Variants in NDUFA10 observed in about 807,000 individuals in gnomAD.
The protein encoded by NDUFA10 is NADH dehydrogenase [ubiquinone] 1 alpha subcomplex subunit 10, mitochondrial.
NDUFA10 carries 40 observed loss-of-function variants against 47.8 expected under a neutral mutation model. The observed-to-expected ratio is 0.84, with a 90% CI of 0.65 to 1.09. The LOEUF (loss-of-function observed/expected upper bound fraction) is 1.09. Among genes scored for constraint, NDUFA10 ranks in the 50% least tolerant of loss-of-function variants. NDUFA10 has a pLI of 0.00. For missense variants in NDUFA10, 413 were observed against 451.1 expected (o/e 0.92, Z 0.76); for synonymous variants, 183 against 172.2 (o/e 1.06, Z -0.49).
chr2:239,953,413 C>T (rs952031204), downstream of NDUFA10, among the ~76,000 whole-genome samples: 3 of 152,200 alleles, frequency 2.0e-5, no homozygotes, highest in Non-Finnish European at 2.9e-5. Flanking sequence ...CTGCTTTAGC[C>T]GCAAAGTGCA....
intron 4 of NDUFA10, among the ~76,000 whole-genome samples, chr2:239,924,678 T>A (rs927822106): frequency 7.9e-5 from 12 of 152,090 alleles, no homozygotes; most frequent in African/African-American, 2.9e-4. Context: ...ACCACTCCTA[T>A]TCAATGTAGG....
intron 9 of NDUFA10, chr2:239,983,456 T>C (rs184795243): frequency 6.6e-7 from 1 of 1,521,382 alleles, no homozygotes; most frequent in African/African-American, 1.4e-5. Context: ...TGATCATTTT[T>C]TAATATCAAG....
intron 8 of NDUFA10, among the ~76,000 whole-genome samples, chr2:239,997,921 A>C (rs996944742): frequency 5.9e-5 from 9 of 152,238 alleles, no homozygotes; most frequent in Non-Finnish European, 1.0e-4. Context: ...TTTGCATCTC[A>C]ATCAATGGTA....
intron 8 of NDUFA10, among the ~76,000 whole-genome samples, chr2:240,002,550 T>C (rs1696769581): frequency 6.6e-6 from 1 of 152,038 alleles, no homozygotes; most frequent in Non-Finnish European, 1.5e-5. Flanking sequence ...ACACATGGCC[T>C]AGCACTCTAC....
intron 8 of NDUFA10, among the ~76,000 whole-genome samples, chr2:239,999,642 G>A (rs1696624984): frequency 6.6e-6 from 1 of 152,170 alleles, no homozygotes; most frequent in African/African-American, 2.4e-5. Context: ...ACCCTGCCCT[G>A]CTCTTTATCA....
chr2:239,895,070 G>A (rs1487336183), intron 5 of NDUFA10: 2 of 231,572 alleles, frequency 8.6e-6, no homozygotes, highest in Non-Finnish European at 1.9e-5. Context: ...GCCGGGCACT[G>A]GCTTTCAGTG....
intron 9 of NDUFA10, among the ~76,000 whole-genome samples, chr2:239,977,861 C>T (rs1432733068): frequency 6.6e-6 from 1 of 152,204 alleles, no homozygotes; most frequent in Non-Finnish European, 1.5e-5. Context: ...CTCAGCTACG[C>T]TCGCAGCACC....
intron 4 of NDUFA10, among the ~76,000 whole-genome samples, chr2:239,923,391 G>T (rs77454108): frequency 6.2e-4 from 94 of 151,916 alleles, no homozygotes; most frequent in Middle Eastern, 3.4e-3. Flanking sequence ...ACCATATCCT[G>T]GTTCATAAAA....
At chr2:240,023,863 C>T (rs949856356) in intron 1 of NDUFA10, among the ~76,000 whole-genome samples, 4 of 152,168 alleles carry the variant, frequency 2.6e-5, no homozygotes, top group African/African-American at 9.7e-5. Context: ...ATGAAATTAA[C>T]GCAGATAGCA....
intron 4 of NDUFA10, among the ~76,000 whole-genome samples, chr2:239,916,286 T>C (rs144594992): frequency 2.3e-4 from 34 of 144,936 alleles, no homozygotes; most frequent in African/African-American, 8.3e-4. Flanking sequence ...CATACACAGA[T>C]ACAAATATAC....
chr2:239,968,815 A>C, intron 9 of NDUFA10, among the ~76,000 whole-genome samples: 1 of 152,164 alleles, frequency 6.6e-6, no homozygotes, highest in East Asian at 1.9e-4. Flanking sequence ...GAGTTCACTT[A>C]GGGCTGAGAG....
intron 4 of NDUFA10, among the ~76,000 whole-genome samples, chr2:239,933,122 T>A (rs1176279117): frequency 1.3e-5 from 2 of 151,998 alleles, no homozygotes; most frequent in African/African-American, 4.8e-5. Context: ...GCAGGTCACA[T>A]CGGAGTGAGG....
intron 9 of NDUFA10, 53 bp from the exon 10 acceptor site, chr2:239,961,239 C>T (rs1235574896): frequency 3.7e-6 from 6 of 1,613,274 alleles, no homozygotes; most frequent in Non-Finnish European, 5.1e-6. Context: ...TGAATGTTTC[C>T]CCAGCTCATA....
chr2:239,954,009 C>T (rs1006026300), downstream of NDUFA10, among the ~76,000 whole-genome samples: 4 of 151,504 alleles, frequency 2.6e-5, no homozygotes, highest in South Asian at 4.2e-4. Flanking sequence ...CTGCCGGGAC[C>T]GCTGAGTGAC....
chr2:240,014,894 C>G, intron 4 of NDUFA10, 34 bp from the exon 5 acceptor site: 1 of 1,613,934 alleles, frequency 6.2e-7, no homozygotes, highest in Non-Finnish European at 8.5e-7. Context: ...CTGTCACCTA[C>G]CAGTCCCCAC....
chr2:239,925,205 A>G (rs564552043), intron 4 of NDUFA10, among the ~76,000 whole-genome samples: 11 of 152,326 alleles, frequency 7.2e-5, no homozygotes, highest in African/African-American at 2.6e-4. Flanking sequence ...TTTTATATGG[A>G]AAGGAAAATA....
At position 239,945,937 on chromosome 2, in the gene NDUFA10, G is replaced by A. The variant is rs551072250; in HGVS notation, c.294+44137C>T. 5.2e-4 allele frequency among the ~76,000 whole-genome samples: 79 copies of A among 152,304 alleles called. No homozygotes were observed. Among genetic ancestry groups the A allele is most frequent in the African/African-American group, 1.5e-3 (64 of 41,572 alleles). The stretch of plus-strand genomic sequence containing the variant: ...AGACACTGCGCTGAGAATGGGATCC[G>A]CTTGCGGACAGGAAGCAGCCCAGAG... On this transcript the variant is annotated intron_variant, in intron 4 of 5. Transcript: ENST00000419408. This position sits in a 1 kb window ranked among gnomAD's most constrained non-coding sequence, Gnocchi z 4.6.
In NDUFA10 at chr2:239,899,445, GGT is replaced by G. The variant is rs1559261149; in HGVS notation, c.295-4133_295-4132del. Among the ~76,000 whole-genome samples, 109 of 146,988 alleles carry G rather than the reference GGT, an allele frequency of 7.4e-4. 6 individuals carry two copies. The highest frequency in any genetic ancestry group is 2.7e-3 in the African/African-American group (106 of 39,742). ...AGGGGTGTGATGGAGGAATGTGGAG[GGT>G]TGTGATGGAGGGGTGTGACGGAGGG... On this transcript the variant is annotated intron_variant, in intron 4 of 5. Transcript: ENST00000419408.
downstream of NDUFA10, among the ~76,000 whole-genome samples, chr2:239,953,777 G>A: frequency 6.6e-6 from 1 of 152,232 alleles, no homozygotes; most frequent in East Asian, 1.9e-4. Context: ...CTTCAAGGCT[G>A]TGACCATGTG....
Sources: gnomAD v4.1 joint callset for allele counts (sites outside exome capture counted in the v4.1 genomes callset) on GRCh38, gnomAD v4.1.1 for gene constraint, Gnocchi (gnomAD v3.1) non-coding constraint, MANE v1.5 for transcripts, NCBI Gene and HGNC (gene_info 2026-07-23, HGNC 2026-07-21) for gene names.